The following SPIRE2 variants were observed in gnomAD, a reference collection of about 807,000 sequenced individuals.
SPIRE2 encodes the protein spire type actin nucleation factor 2.
In SPIRE2, 76 loss-of-function variants were observed where a neutral mutation model predicts 80.7. The observed-to-expected ratio is 0.94, with a 90% CI of 0.78 to 1.14. The LOEUF (loss-of-function observed/expected upper bound fraction) is 1.14. Ranked by LOEUF, SPIRE2 falls within the 50% of genes most tolerant of loss-of-function variation. SPIRE2 has a pLI of 0.00. For synonymous variants in SPIRE2, 535 were observed against 432.6 expected (o/e 1.24, Z -2.94); for missense variants, 1,196 against 1,015.3 (o/e 1.18, Z -2.42).
intron 7 of SPIRE2, among the ~76,000 whole-genome samples, chr16:89,857,435 C>T (rs2041701235): frequency 6.6e-6 from 1 of 152,064 alleles, no homozygotes; most frequent in African/African-American, 2.4e-5. Context: ...CATTCCCTGC[C>T]TAACATGATC....
chr16:89,829,715 C>G lies in SPIRE2; in HGVS notation c.244+921C>G, dbSNP rs550567544. Among the ~76,000 whole-genome samples the G allele has an allele frequency of 1.9e-4, 26 of 139,404 alleles. 2 individuals carry two copies. The highest frequency in any genetic ancestry group is 2.6e-4 in the Non-Finnish European group (15 of 58,736). The allele number at this position is 139,404 out of a possible 152,430, so 91.5% of individuals were successfully genotyped here. A position where few individuals can be genotyped will look rare whatever the true frequency, so the allele number is the denominator to read the frequency against. On this transcript the variant is annotated intron_variant, in intron 1 of 14. Coordinates refer to ENST00000378247, the MANE Select transcript of SPIRE2 (RefSeq NM_032451.2). ...CACCAGGTCCTGCTCATCCTGGAGC[C>G]CCCCCCTCAGCTGCCTCCACACTCC...
intron 12 of SPIRE2, among the ~76,000 whole-genome samples, chr16:89,866,274 T>G (rs2041788204): frequency 1.3e-5 from 2 of 152,178 alleles, no homozygotes; most frequent in African/African-American, 2.4e-5. Flanking sequence ...GTGTCTACAT[T>G]TTAATTCTCT....
Position 89,863,370 on chromosome 16 carries a change from A to G in SPIRE2, c.1576-106A>G. 7.7e-7 allele frequency: 1 copy of G among 1,292,334 alleles called. No individual in the cohort carries two copies. Among genetic ancestry groups the G allele is most frequent in the South Asian group, 1.4e-5 (1 of 73,770 alleles). 80.1% of individuals were successfully genotyped at this position (1,292,334 alleles called of 1,614,324 possible). On this transcript the variant is annotated intron_variant, in intron 10 of 14. Coordinates refer to ENST00000378247, the MANE Select transcript of SPIRE2 (RefSeq NM_032451.2). This position sits in a 1 kb window ranked among gnomAD's most constrained non-coding sequence, Gnocchi z 4.3. ...GATGGACAGCGTTTTAGAAGGTCGCAGGCTTGTTTAGGCTGAGGCCAGGGA... is the reference window on the plus strand; with the variant it reads ...GATGGACAGCGTTTTAGAAGGTCGCGGGCTTGTTTAGGCTGAGGCCAGGGA...
rs532096505 is a variant in SPIRE2 at position 89,859,281 on chromosome 16, C to T, written c.1389C>T (p.Pro463=). 6.2e-7 allele frequency: 1 copy of T among 1,605,198 alleles called. No homozygotes were observed. The highest frequency in any genetic ancestry group is 8.5e-7 in the Non-Finnish European group (1 of 1,178,564). Residue 463 remains proline (P), a synonymous_variant, in exon 9 of 15, where the codon CCC becomes CCT. Coordinates refer to ENST00000378247, the MANE Select transcript of SPIRE2 (RefSeq NM_032451.2). ...CTGGCCTGCAGTCGGCCACCCACCC[C>T]CCAGGAGGGACGGAGCCACCACGGC... The part of the protein sequence containing the change: ...VASGLQSATH[P]PGGTEPPRPR...
chr16:89,849,499 A>C lies in SPIRE2; in HGVS notation c.289-805A>C, dbSNP rs1252162541. ...TCTTTCTTTCCTTGTTGTAAAGCGA[A>C]ACTATGAGAACCCTTTAAGACATGG... On this transcript the variant is annotated intron_variant, in intron 2 of 14. Coordinates refer to ENST00000378247, the MANE Select transcript of SPIRE2 (RefSeq NM_032451.2). Among the ~76,000 whole-genome samples, 11 of 152,322 alleles carry C rather than the reference A, an allele frequency of 7.2e-5. No homozygotes were observed. In the South Asian group the frequency reaches 2.1e-3, roughly 29 times the overall value.
intron 1 of SPIRE2, among the ~76,000 whole-genome samples, chr16:89,838,903 G>A (rs531011211): frequency 2.0e-5 from 3 of 151,210 alleles, no homozygotes; most frequent in South Asian, 2.1e-4. Context: ...GTCCCTGTGT[G>A]CAATCTAGTA....
chr16:89,857,914 G>T (rs1365042007), intron 7 of SPIRE2, among the ~76,000 whole-genome samples: 3 of 100,896 alleles, frequency 3.0e-5, no homozygotes, highest in South Asian at 3.2e-4. Flanking sequence ...ACAGAGTCTC[G>T]CTCTGTTGTC....
chr16:89,848,525 G>A (rs1454847638), intron 2 of SPIRE2, among the ~76,000 whole-genome samples: 1 of 140,788 alleles, frequency 7.1e-6, no homozygotes, highest in Non-Finnish European at 1.6e-5. Context: ...AGGGCCTTCT[G>A]TGGTGTTTCT....
chr16:89,866,637 C>T (rs149676234), intron 12 of SPIRE2, among the ~76,000 whole-genome samples: 1,877 of 130,588 alleles, frequency 0.014, 17 homozygotes, highest in Non-Finnish European at 0.021. Flanking sequence ...GAGATGGAAT[C>T]TCACTCTGTC....
intron 12 of SPIRE2, among the ~76,000 whole-genome samples, chr16:89,864,448 C>T (rs2041771976): frequency 6.6e-6 from 1 of 152,204 alleles, no homozygotes; most frequent in South Asian, 2.1e-4. Context: ...GGTCCTCGGC[C>T]TGTTTTGCAA....
intron 10 of SPIRE2, 63 bp downstream of exon 10, chr16:89,860,858 G>C: frequency 9.4e-7 from 1 of 1,063,036 alleles, no homozygotes; most frequent in Non-Finnish European, 1.3e-6. Context: ...CCACCTTCCC[G>C]CCGCCAGCCA....
intron 1 of SPIRE2, among the ~76,000 whole-genome samples, chr16:89,842,208 A>ATTTTTTCTTTTTTT (rs2041512519): frequency 1.2e-5 from 1 of 81,306 alleles, no homozygotes; most frequent in Non-Finnish European, 2.1e-5. Flanking sequence ...TGAACACGTA[A>ATTTTTTCTTTTTTT]TTTTTTTTTT....
chr16:89,835,188 G>T (rs963810140), intron 1 of SPIRE2, among the ~76,000 whole-genome samples: 1 of 144,048 alleles, frequency 6.9e-6, no homozygotes, highest in Non-Finnish European at 1.5e-5. Flanking sequence ...CATAGCCCGT[G>T]TGAATCTGTG....
intron 1 of SPIRE2, among the ~76,000 whole-genome samples, chr16:89,837,115 C>T (rs555256091): frequency 6.6e-6 from 1 of 152,250 alleles, no homozygotes; most frequent in African/African-American, 2.4e-5. Context: ...AATTGCAGGT[C>T]TTCTCCCTCG....
At chr16:89,829,582 G>A (rs1023123203) in intron 1 of SPIRE2, among the ~76,000 whole-genome samples, 7 of 152,200 alleles carry the variant, frequency 4.6e-5, no homozygotes, top group Non-Finnish European at 1.0e-4. Context: ...TGCATGAGCA[G>A]GCCTATGTGG....
chr16:89,856,021 T>C, intron 6 of SPIRE2, 92 bp from the exon 7 acceptor site: 1 of 1,546,846 alleles, frequency 6.5e-7, no homozygotes, highest in Non-Finnish European at 8.7e-7. Context: ...CATGGTCACT[T>C]CCCCACCACA....
At chr16:89,843,466 C>T (rs2041522722) in intron 1 of SPIRE2, among the ~76,000 whole-genome samples, 1 of 151,666 alleles carries the variant, frequency 6.6e-6, no homozygotes, top group Non-Finnish European at 1.5e-5. Flanking sequence ...GGGGACATCT[C>T]CAAATCGGTG....
chr16:89,840,521 T>G (rs1166795645), intron 1 of SPIRE2, among the ~76,000 whole-genome samples: 6 of 151,456 alleles, frequency 4.0e-5, no homozygotes, highest in Non-Finnish European at 5.9e-5. Flanking sequence ...AGTGCTGGAT[T>G]ACAGGCATGA....
intron 1 of SPIRE2, among the ~76,000 whole-genome samples, chr16:89,832,872 A>G (rs1188599087): frequency 6.6e-6 from 1 of 151,760 alleles, no homozygotes; most frequent in Non-Finnish European, 1.5e-5. Context: ...CCCAGGCTGG[A>G]GTGCAATGGC....
Sources: gnomAD v4.1 joint callset for allele counts (sites outside exome capture counted in the v4.1 genomes callset) on GRCh38, gnomAD v4.1.1 for gene constraint, Gnocchi (gnomAD v3.1) non-coding constraint, MANE v1.5 for transcripts, NCBI Gene and HGNC (gene_info 2026-07-23, HGNC 2026-07-21) for gene names.